The following PARD3B variants were observed in gnomAD, a reference collection of about 807,000 sequenced individuals.
PARD3B encodes partitioning defective 3 homolog B.
In PARD3B, 103 loss-of-function variants were observed where a neutral mutation model predicts 130.2. The observed-to-expected ratio is 0.79, with a 90% CI of 0.67 to 0.93. PARD3B has a LOEUF of 0.93. Among genes scored for constraint, PARD3B ranks in the 40% least tolerant of loss-of-function variants. The pLI is 0.00. For missense variants in PARD3B, 1,609 were observed against 1,499.2 expected, an observed-to-expected ratio of 1.07 and a Z score of -1.21; for synonymous variants, 583 against 553.2, an observed-to-expected ratio of 1.05 and a Z score of -0.76.
In PARD3B at chr2:205,585,496, G is replaced by C. The variant is rs2054164975; in HGVS notation, c.3261-29960G>C. ...CAGGATGGTAGCCTCCGGAAGAATC[G>C]GCAGGCATTTATTTAAATGGGATCA... On this transcript the variant is annotated intron_variant, in intron 22 of 22. Coordinates refer to ENST00000406610, the MANE Select transcript of PARD3B (RefSeq NM_001302769.2). The surrounding 1 kb of genome is among the most constrained non-coding windows in gnomAD (Gnocchi z 5.4). 6.6e-6 allele frequency among the ~76,000 whole-genome samples: 1 copy of C among 152,134 alleles called. No individual in the cohort carries two copies. Among genetic ancestry groups the C allele is most frequent in the Non-Finnish European group, 1.5e-5 (1 of 68,024 alleles).
intron 9 of PARD3B, among the ~76,000 whole-genome samples, 180 bp downstream of exon 9, chr2:205,124,646 C>CT (rs748231513): frequency 3.1e-4 from 47 of 152,200 alleles, no homozygotes; most frequent in Non-Finnish European, 2.5e-4. Flanking sequence ...AATGAGGAGT[C>CT]TAACTTTGTA....
At chr2:205,026,257 C>A (rs1262874270) in intron 3 of PARD3B, among the ~76,000 whole-genome samples, 2 of 152,028 alleles carry the variant, frequency 1.3e-5, no homozygotes, top group East Asian at 3.9e-4. Flanking sequence ...GGCACTAGGG[C>A]AGTCTGGGTG....
chr2:204,587,272 GA>G (rs1280524559), intron 1 of PARD3B, among the ~76,000 whole-genome samples: 1 of 152,146 alleles, frequency 6.6e-6, no homozygotes, highest in Non-Finnish European at 1.5e-5. Context: ...ACGTAAGAAA[GA>G]TAAAGAACTA....
intron 3 of PARD3B, among the ~76,000 whole-genome samples, chr2:204,992,516 C>A (rs961216814): frequency 2.2e-4 from 33 of 148,048 alleles, no homozygotes; most frequent in Admixed American, 2.2e-3. Flanking sequence ...TAGTGTGATG[C>A]CTCCAGCTTT....
At position 205,550,955 on chromosome 2, in the gene PARD3B, G is replaced by GTGTGTATATATATATATATA. The variant is rs796567936; in HGVS notation, c.3181-2368_3181-2367insGTGTATATATATATATATAT. 1.1e-4 allele frequency among the ~76,000 whole-genome samples: 10 copies of GTGTGTATATATATATATATA among 94,402 alleles called. No homozygotes were observed. The highest frequency in any genetic ancestry group is 4.2e-4 in the South Asian group (1 of 2,376). The allele number at this position is 94,402 out of a possible 152,430, so 61.9% of individuals were successfully genotyped here. On this transcript the variant is annotated intron_variant, in intron 21 of 22. Transcript: ENST00000406610. This position sits in a 1 kb window ranked among gnomAD's most constrained non-coding sequence, Gnocchi z 4.5. ...TGTGTGTGTGTGTATATATATATGT[G>GTGTGTATATATATATATATA]TATATATATATATATATATATACAC...
chr2:204,701,074 T>C (rs2037868337), intron 2 of PARD3B, among the ~76,000 whole-genome samples: 1 of 152,104 alleles, frequency 6.6e-6, no homozygotes. Context: ...TCATACAAAA[T>C]TGTTTTAGTA....
At chr2:205,222,308 G>A (rs2038286370) in intron 15 of PARD3B, among the ~76,000 whole-genome samples, 1 of 152,138 alleles carries the variant, frequency 6.6e-6, no homozygotes, top group South Asian at 2.1e-4. Flanking sequence ...TCTTCTCAAA[G>A]TCACACAGTA....
At chr2:204,662,404 A>G (rs548300394) in intron 1 of PARD3B, among the ~76,000 whole-genome samples, 5 of 152,344 alleles carry the variant, frequency 3.3e-5, no homozygotes, top group African/African-American at 1.2e-4. Context: ...CTTACTTTAT[A>G]TATTTTCAAG....
intron 2 of PARD3B, among the ~76,000 whole-genome samples, chr2:204,897,389 T>TG (rs1175010017): frequency 1.3e-5 from 2 of 150,506 alleles, no homozygotes; most frequent in Non-Finnish European, 3.0e-5. Flanking sequence ...GGTACTGTTT[T>TG]TTTTTTTTTT....
At position 205,064,078 on chromosome 2, in the gene PARD3B, T is replaced by C. The variant is rs564861724; in HGVS notation, c.504+16388T>C. Among the ~76,000 whole-genome samples the C allele has an allele frequency of 4.6e-5, 7 of 152,328 alleles. No homozygotes were observed. In the South Asian group the frequency reaches 1.2e-3, roughly 27 times the overall value. ...ATTGGGAACAGCCCTGTGGAACTTATAATCGCATTGAGGAGAACATGCACA... is the reference window on the plus strand; with the variant it reads ...ATTGGGAACAGCCCTGTGGAACTTACAATCGCATTGAGGAGAACATGCACA... On this transcript the variant is annotated intron_variant, in intron 4 of 22. Coordinates refer to ENST00000406610, the MANE Select transcript of PARD3B (RefSeq NM_001302769.2).
intron 2 of PARD3B, among the ~76,000 whole-genome samples, chr2:204,709,635 T>G (rs1275448459): frequency 6.6e-6 from 1 of 152,134 alleles, no homozygotes; most frequent in Non-Finnish European, 1.5e-5. Context: ...CATGATAGTG[T>G]CATACGTTTG....
chr2:205,452,752 G>A (rs2048146956), intron 20 of PARD3B, among the ~76,000 whole-genome samples: 1 of 152,048 alleles, frequency 6.6e-6, no homozygotes, highest in Admixed American at 6.6e-5. Context: ...TGCCTAAATT[G>A]TCAGTGTCCA....
intron 22 of PARD3B, among the ~76,000 whole-genome samples, chr2:205,607,993 T>C (rs2055077356): frequency 6.6e-6 from 1 of 152,178 alleles, no homozygotes; most frequent in African/African-American, 2.4e-5. Flanking sequence ...ATCTTCCTAT[T>C]GCACAGGCTT....
At chr2:205,197,074 T>TGTGTGTGTGTGTGA (rs1215097347) in intron 15 of PARD3B, among the ~76,000 whole-genome samples, 15 of 143,948 alleles carry the variant, frequency 1.0e-4, no homozygotes, top group Non-Finnish European at 1.7e-4. Flanking sequence ...TGTGTGTGTG[T>TGTGTGTGTGTGTGA]GAGAGAGAGA....
Position 205,617,349 on chromosome 2 carries a change from A to G in PARD3B, c.*1536A>G, listed in dbSNP as rs1221723616. 6.6e-6 allele frequency: 1 copy of G among 152,164 alleles called. No individual in the cohort carries two copies. Among genetic ancestry groups the G allele is most frequent in the Non-Finnish European group, 1.5e-5 (1 of 68,042 alleles). The allele number at this position is 152,164 out of a possible 1,614,324, so 9.4% of individuals were successfully genotyped here. On this transcript the variant is annotated 3_prime_UTR_variant, in exon 23 of 23. Coordinates refer to ENST00000406610, the MANE Select transcript of PARD3B (RefSeq NM_001302769.2). ...ACATTCCTTCTTTATTCCCTCCAAA[A>G]AAAAAAGTCTTGAGTTTAATTTAGG...
At chr2:204,762,712 G>T (rs532481079) in intron 2 of PARD3B, among the ~76,000 whole-genome samples, 2 of 151,336 alleles carry the variant, frequency 1.3e-5, no homozygotes, top group Non-Finnish European at 2.9e-5. Flanking sequence ...GTGATGATTA[G>T]GGGGACTTAA....
intron 10 of PARD3B, among the ~76,000 whole-genome samples, chr2:205,141,392 C>A (rs1559479185): frequency 1.3e-5 from 2 of 152,138 alleles, no homozygotes; most frequent in African/African-American, 2.4e-5. Context: ...ACTTTTCAAT[C>A]AATTGTTTAG....
intron 2 of PARD3B, among the ~76,000 whole-genome samples, chr2:204,963,482 C>A (rs1690930543): frequency 6.6e-6 from 1 of 151,998 alleles, no homozygotes; most frequent in African/African-American, 2.4e-5. Context: ...TATAATATGC[C>A]ATTGCCTAGT....
chr2:204,825,829 G>A (rs985768211), intron 2 of PARD3B, among the ~76,000 whole-genome samples: 1 of 152,186 alleles, frequency 6.6e-6, no homozygotes, highest in Admixed American at 6.5e-5. Flanking sequence ...GTTGTGTATA[G>A]AGTAATTGGT....
Sources: allele counts gnomAD v4.1 joint callset (sites outside exome capture counted in the v4.1 genomes callset), GRCh38; gene constraint gnomAD v4.1.1; non-coding constraint Gnocchi (gnomAD v3.1); transcripts MANE v1.5; gene names NCBI Gene and HGNC (gene_info 2026-07-23, HGNC 2026-07-21).